The following TAPT1 variants were observed in gnomAD, a reference collection of about 807,000 sequenced individuals.
TAPT1 encodes the protein transmembrane anterior posterior transformation protein 1 homolog.
TAPT1 carries 28 observed loss-of-function variants against 65.6 expected under a neutral mutation model. The observed-to-expected ratio is 0.43, with a 90% CI of 0.32 to 0.59. TAPT1 has a LOEUF of 0.59. Among genes scored for constraint, TAPT1 ranks in the 20% least tolerant of loss-of-function variants. The probability of loss-of-function intolerance (pLI) is 0.09; values close to 1 mark genes in which losing one functional copy is unlikely to be tolerated. For missense variants in TAPT1, 563 were observed against 679.9 expected (o/e 0.83, Z 1.91); for synonymous variants, 278 against 245.2 (o/e 1.13, Z -1.25).
At position 16,174,670 on chromosome 4, in the gene TAPT1, A is replaced by G; in HGVS notation, c.1167T>C (p.Asn389=). 1 of 1,590,142 alleles carries G rather than the reference A, an allele frequency of 6.3e-7. No homozygotes were observed. Among genetic ancestry groups the G allele is most frequent in the Non-Finnish European group, 8.6e-7 (1 of 1,167,534 alleles). The change falls in exon 10 of 14, where the codon AAT becomes AAC. Residue 389 remains asparagine, a splice_region_variant and synonymous_variant. Coordinates refer to ENST00000405303, the MANE Select transcript of TAPT1 (RefSeq NM_153365.3). ...AFDLVSSRQK[N]AYTDYSDSVA... ...GACTACGCCCTTGATAAATGCTCAC[A>G]TTTTTCTGTCGGCTGCTAACAAGGT...
At chr4:16,196,409 A>T (rs1394397692) in intron 3 of TAPT1, among the ~76,000 whole-genome samples, 1 of 152,246 alleles carries the variant, frequency 6.6e-6, no homozygotes, top group East Asian at 1.9e-4. Context: ...AGTCTAAGCT[A>T]ACATGTGTAA....
intron 1 of TAPT1, chr4:16,214,413 A>G (rs1750815029): frequency 6.6e-6 from 1 of 152,242 alleles, no homozygotes; most frequent in South Asian, 2.1e-4. Context: ...ATTTCCCTAC[A>G]TGAAGACTTA....
intron 1 of TAPT1, among the ~76,000 whole-genome samples, chr4:16,222,929 T>C (rs576710682): frequency 7.2e-4 from 110 of 152,294 alleles, no homozygotes; most frequent in Non-Finnish European, 1.4e-3. Flanking sequence ...ACTTCAGGCT[T>C]TCTTGTTTTA....
intron 3 of TAPT1, among the ~76,000 whole-genome samples, chr4:16,198,633 G>GA (rs1331881035): frequency 2.6e-5 from 4 of 151,716 alleles, no homozygotes; most frequent in Non-Finnish European, 4.4e-5. Context: ...TTATTTCTTT[G>GA]AAAAAAATAA....
In TAPT1 at chr4:16,163,459, A is replaced by G; in HGVS notation, c.1553T>C (p.Leu518Pro). Residue 518 changes from leucine (L) to proline (P), a missense_variant, in exon 14 of 14, where the codon CTT (leucine) becomes CCT (proline). Physicochemically the swap from Leu to Pro is moderately conservative, Grantham distance 98. Transcript: ENST00000405303. ...AAACTGATCAGAATTGCTTGTCACA[A>G]GTAATGGTATGATATTTTCCTTTTG... is the stretch of plus-strand genomic sequence containing the variant. Reference protein sequence around the residue: ...IHQKENIIPLLVTSNSDQFLT... With the variant: ...IHQKENIIPLPVTSNSDQFLT... 1 of 1,614,036 alleles carries G rather than the reference A, an allele frequency of 6.2e-7. No homozygotes were observed. The highest frequency in any genetic ancestry group is 1.6e-4 in the Middle Eastern group (1 of 6,062).
At chr4:16,201,269 G>C (rs77446201) in intron 3 of TAPT1, among the ~76,000 whole-genome samples, 1 of 151,872 alleles carries the variant, frequency 6.6e-6, no homozygotes, top group Non-Finnish European at 1.5e-5. Flanking sequence ...CTTTAAAAAA[G>C]AACCTTTCAT....
intron 13 of TAPT1, among the ~76,000 whole-genome samples, chr4:16,165,242 A>G (rs1471303746): frequency 1.3e-5 from 2 of 152,068 alleles, no homozygotes; most frequent in Non-Finnish European, 2.9e-5. Context: ...CATCTCCTCT[A>G]TGACCTTGCA....
intron 13 of TAPT1, among the ~76,000 whole-genome samples, chr4:16,166,278 T>C (rs1373599492): frequency 6.6e-6 from 1 of 152,224 alleles, no homozygotes. Flanking sequence ...CTGCTTTTGT[T>C]TTCTCTGCAG....
Position 16,166,791 on chromosome 4 carries a change from A to G in TAPT1, c.1316T>C (p.Leu439Ser), listed in dbSNP as rs1301240125. ...YACVILFYFG[L>S]ISLKVLNSIV... The stretch of plus-strand genomic sequence containing the variant: ...GCTATTAAGTACTTTCAGGGATATC[A>G]ACCTAAAAACAGAAACAAAACAAAC... The change falls in exon 13 of 14, where the codon TTG (leucine) becomes TCG (serine). Residue 439 changes from leucine (L) to serine (S), a missense_variant and splice_region_variant. This residue lies in a region of TAPT1 where 136 missense variants were observed against 153.9 expected (regional missense o/e 0.88). Transcript: ENST00000405303. The G allele has an allele frequency of 1.9e-6, 3 of 1,613,104 alleles. No homozygotes were observed. The Admixed American group carries it at 5.0e-5, about 27-fold the overall frequency.
At chr4:16,217,219 A>G (rs1750991826) in intron 1 of TAPT1, among the ~76,000 whole-genome samples, 1 of 152,162 alleles carries the variant, frequency 6.6e-6, no homozygotes, top group Non-Finnish European at 1.5e-5. Flanking sequence ...GCAGTATACT[A>G]CATTCATTTT....
chr4:16,194,884 TCTTCTTC>T (rs895206470), intron 3 of TAPT1, among the ~76,000 whole-genome samples: 19 of 150,202 alleles, frequency 1.3e-4, no homozygotes, highest in Middle Eastern at 3.5e-3. Flanking sequence ...TTCTTCTTCT[TCTTCTTC>T]TTCTTATTTT....
chr4:16,167,619 C>T (rs1169428501), intron 12 of TAPT1, among the ~76,000 whole-genome samples: 2 of 152,108 alleles, frequency 1.3e-5, no homozygotes, highest in Non-Finnish European at 2.9e-5. Context: ...GTCCTGAGTC[C>T]ACTGCTTAGA....
chr4:16,207,411 G>A (rs1461434607), intron 2 of TAPT1, among the ~76,000 whole-genome samples: 1 of 152,178 alleles, frequency 6.6e-6, no homozygotes, highest in Non-Finnish European at 1.5e-5. Flanking sequence ...CCGTTCGTTT[G>A]AAATGAACTT....
chr4:16,199,997 A>T (rs1560176089), intron 3 of TAPT1, among the ~76,000 whole-genome samples: 1 of 152,200 alleles, frequency 6.6e-6, no homozygotes, highest in Non-Finnish European at 1.5e-5. Flanking sequence ...TGTACAATAT[A>T]ACAAGGTGGA....
At chr4:16,168,120 CTTTT>C (rs113471433) in intron 12 of TAPT1, among the ~76,000 whole-genome samples, 8 of 148,706 alleles carry the variant, frequency 5.4e-5, no homozygotes, top group African/African-American at 2.0e-4. Context: ...AGTTGGTTTT[CTTTT>C]TTTTTTTAAG....
intron 1 of TAPT1, among the ~76,000 whole-genome samples, chr4:16,216,936 C>T (rs1578483056): frequency 6.6e-6 from 1 of 152,212 alleles, no homozygotes; most frequent in East Asian, 1.9e-4. Flanking sequence ...AGAACCTCTA[C>T]AACTGGACAC....
At chr4:16,184,915 T>A (rs1198993874) in intron 7 of TAPT1, among the ~76,000 whole-genome samples, 4 of 152,246 alleles carry the variant, frequency 2.6e-5, no homozygotes, top group Admixed American at 6.5e-5. Flanking sequence ...CTCTTAGTAC[T>A]GTGGCTGGCC....
intron 2 of TAPT1, among the ~76,000 whole-genome samples, chr4:16,204,866 A>G (rs1042123351): frequency 2.0e-5 from 3 of 152,262 alleles, no homozygotes; most frequent in African/African-American, 7.2e-5. Context: ...TGGATTTACC[A>G]TTATACACAT....
chr4:16,168,362 G>A (rs901750441), intron 12 of TAPT1, among the ~76,000 whole-genome samples: 1 of 152,098 alleles, frequency 6.6e-6, no homozygotes, highest in African/African-American at 2.4e-5. Flanking sequence ...CTCCCACCCA[G>A]CCTGCCAAAG....
Sources: allele counts gnomAD v4.1 joint callset (sites outside exome capture counted in the v4.1 genomes callset), GRCh38; gene constraint gnomAD v4.1.1; regional missense constraint gnomAD v4.1.1; transcripts MANE v1.5; gene names NCBI Gene and HGNC (gene_info 2026-07-23, HGNC 2026-07-21).